SPIC: variants seen among roughly 807,000 people sequenced by gnomAD.
SPIC encodes transcription factor Spi-C.
Under a neutral mutation model 16.7 loss-of-function variants are expected in SPIC, and 9 were observed. The observed-to-expected ratio is 0.54, with a 90% confidence interval of 0.33 to 0.94. SPIC has a LOEUF of 0.94. SPIC is among the 40% of genes least tolerant of loss of function. SPIC has a pLI of 0.03. For missense variants in SPIC, 241 were observed against 285.8 expected (o/e 0.84, Z 1.13); for synonymous variants, 97 against 102.9 (o/e 0.94, Z 0.35).
In SPIC at chr12:101,476,880, A is replaced by G. The variant is rs748503215; in HGVS notation, c.-25A>G. 2.1e-6 allele frequency: 3 copies of G among 1,406,622 alleles called. No homozygotes were observed. Among genetic ancestry groups the G allele is most frequent in the South Asian group, 1.7e-5 (1 of 58,354 alleles). 87.1% of individuals were successfully genotyped at this position (1,406,622 alleles called of 1,614,324 possible). A position where few individuals can be genotyped will look rare whatever the true frequency, so the allele number is the denominator to read the frequency against. On this transcript the variant is annotated 5_prime_UTR_variant, in exon 2 of 6. Transcript: ENST00000551346. ...CTTCAAGCAACAATTGCTAAGGAAC[A>G]GAATTGTCAATTTATTAATGAAATA...
intron 5 of SPIC, among the ~76,000 whole-genome samples, chr12:101,483,487 T>G (rs1301708067): frequency 3.3e-5 from 5 of 152,172 alleles, no homozygotes; most frequent in Non-Finnish European, 7.3e-5. Flanking sequence ...TATTTTATTA[T>G]TTATTGATTG....
Position 101,477,560 on chromosome 12 carries a change from G to C in SPIC, c.6G>C (p.Thr2=). The part of the protein sequence containing the change: M[T]CVEQDKLGQA... Reference sequence around the variant, plus strand: ...GAATTCTATCATTGTTCCAACAGACGTGTGTTGAACAAGACAAGCTGGGTC... The same window carrying C: ...GAATTCTATCATTGTTCCAACAGACCTGTGTTGAACAAGACAAGCTGGGTC... The change falls in exon 3 of 6, where the codon ACG becomes ACC. Residue 2 remains threonine, a splice_region_variant and synonymous_variant. Coordinates refer to ENST00000551346, the MANE Select transcript of SPIC (RefSeq NM_152323.3). The C allele has an allele frequency of 6.2e-7, 1 of 1,613,730 alleles. No individual in the cohort carries two copies. The highest frequency in any genetic ancestry group is 8.5e-7 in the Non-Finnish European group (1 of 1,179,692).
intron 3 of SPIC, among the ~76,000 whole-genome samples, chr12:101,479,298 A>AAG (rs1491065351): frequency 1.3e-4 from 6 of 46,096 alleles, no homozygotes; most frequent in South Asian, 1.6e-3. Flanking sequence ...GAAAGAAAGA[A>AAG]AGAAAGAAAA....
intron 3 of SPIC, 48 bp downstream of exon 3, chr12:101,477,699 G>A (rs201331322): frequency 2.0e-6 from 3 of 1,474,264 alleles, no homozygotes; most frequent in Non-Finnish European, 1.9e-6. Flanking sequence ...CAAATGGCTT[G>A]TTGGTCACAT....
At chr12:101,481,080 TC>T (rs1328466541) in intron 4 of SPIC, among the ~76,000 whole-genome samples, 3 of 152,196 alleles carry the variant, frequency 2.0e-5, no homozygotes, top group Non-Finnish European at 4.4e-5. Flanking sequence ...CCCAGCCCCT[TC>T]CGGTGTTTAA....
At position 101,486,363 on chromosome 12, in the gene SPIC, G is replaced by C; in HGVS notation, c.339G>C (p.Leu113=). ...TTTTAGGCAGGAAGAAGCTCCGACTGTTTGAATACCTTCACGAATCCCTGT... is the reference window on the plus strand; with the variant it reads ...TTTTAGGCAGGAAGAAGCTCCGACTCTTTGAATACCTTCACGAATCCCTGT... The part of the protein sequence containing the change: ...KGGKGRKKLR[L]FEYLHESLYN... Residue 113 remains leucine, a synonymous_variant, in exon 6 of 6, where the codon CTG becomes CTC. Transcript: ENST00000551346. 1 of 1,611,490 alleles carries C rather than the reference G, an allele frequency of 6.2e-7. No homozygotes were observed. Among genetic ancestry groups the C allele is most frequent in the Non-Finnish European group, 8.5e-7 (1 of 1,178,806 alleles).
At chr12:101,476,198 C>T (rs1872952498) in intron 1 of SPIC, among the ~76,000 whole-genome samples, 2 of 152,030 alleles carry the variant, frequency 1.3e-5, no homozygotes, top group South Asian at 2.1e-4. Flanking sequence ...GTCTATAGAA[C>T]GTAGAGTTAA....
chr12:101,478,333 C>A (rs1414708636), intron 3 of SPIC, among the ~76,000 whole-genome samples: 1 of 151,948 alleles, frequency 6.6e-6, no homozygotes, highest in Non-Finnish European at 1.5e-5. Flanking sequence ...GCCCGGTGAC[C>A]TTTTTTATCT....
At chr12:101,482,685 A>C in intron 4 of SPIC, 107 bp from the exon 5 acceptor site, 2 of 1,048,350 alleles carry the variant, frequency 1.9e-6, no homozygotes. Context: ...TTCCTTTTGC[A>C]ATCTGGGAGA....
In SPIC at chr12:101,485,904, C is replaced by G. The variant is rs563909007; in HGVS notation, c.320-440C>G. On this transcript the variant is annotated intron_variant, in intron 5 of 5. Transcript: ENST00000551346. ...GATTCTCCTGGGTTCGAGGGAGAAT[C>G]CTCAGGGGACTGCCTCAGCCTCCCG... Among the ~76,000 whole-genome samples the G allele has an allele frequency of 2.6e-5, 4 of 152,310 alleles. No homozygotes were observed. In the East Asian group the frequency reaches 7.7e-4, roughly 29 times the overall value.
chr12:101,483,632 T>C (rs1259170644), intron 5 of SPIC, among the ~76,000 whole-genome samples: 1 of 152,100 alleles, frequency 6.6e-6, no homozygotes, highest in Non-Finnish European at 1.5e-5. Flanking sequence ...TTTTTTTAAT[T>C]GTTGCCCAGG....
chr12:101,476,974 A>G, intron 2 of SPIC, 67 bp downstream of exon 2: 1 of 1,085,746 alleles, frequency 9.2e-7, no homozygotes, highest in Non-Finnish European at 1.3e-6. Context: ...AATAATTAAA[A>G]AACTTTTTTC....
chr12:101,482,049 C>G (rs1055552323), intron 4 of SPIC, among the ~76,000 whole-genome samples: 2 of 146,006 alleles, frequency 1.4e-5, no homozygotes, highest in Non-Finnish European at 3.0e-5. Context: ...TCAAGACCAG[C>G]CTGGCCAACA....
chr12:101,478,870 C>T (rs1873045766), intron 3 of SPIC, among the ~76,000 whole-genome samples: 1 of 152,188 alleles, frequency 6.6e-6, no homozygotes, highest in Non-Finnish European at 1.5e-5. Context: ...GGCATGGTGG[C>T]TCACACCTGT....
chr12:101,486,369 A>G lies in SPIC; in HGVS notation c.345A>G (p.Glu115=), dbSNP rs761054346. The change falls in exon 6 of 6, where the codon GAA becomes GAG. Residue 115 remains glutamate, a synonymous_variant. Transcript: ENST00000551346. ...GKGRKKLRLF[E]YLHESLYNPE... ...GCAGGAAGAAGCTCCGACTGTTTGAATACCTTCACGAATCCCTGTATAATC... is the reference window on the plus strand; with the variant it reads ...GCAGGAAGAAGCTCCGACTGTTTGAGTACCTTCACGAATCCCTGTATAATC... The G allele has an allele frequency of 7.4e-6, 12 of 1,611,838 alleles. No homozygotes were observed. The highest frequency in any genetic ancestry group is 1.0e-5 in the Non-Finnish European group (12 of 1,178,982).
At chr12:101,484,547 A>G (rs1463333808) in intron 5 of SPIC, among the ~76,000 whole-genome samples, 1 of 147,396 alleles carries the variant, frequency 6.8e-6, no homozygotes, top group African/African-American at 2.5e-5. Context: ...AAAAATAATA[A>G]TAATAAATAA....
intron 4 of SPIC, 87 bp downstream of exon 4, chr12:101,479,781 T>A (rs2121251340): frequency 1.0e-6 from 1 of 968,284 alleles, no homozygotes; most frequent in Non-Finnish European, 1.5e-6. Flanking sequence ...AAACCCAGCT[T>A]AAAGACAGCA....
intron 2 of SPIC, among the ~76,000 whole-genome samples, chr12:101,477,309 A>G (rs1872987282): frequency 6.6e-6 from 1 of 152,136 alleles, no homozygotes; most frequent in African/African-American, 2.4e-5. Context: ...ACATTTGGTG[A>G]TGTCGGAAAC....
rs185830586 is a variant in SPIC, at chr12:101,486,644, T to A, written c.620T>A (p.Leu207Gln). The part of the protein sequence containing the change: ...ILQRLSPSYF[L>Q]GKEIFYSQCV... ...CAAAGACTCTCTCCATCCTATTTCC[T>A]GGGGAAAGAGATCTTCTATTCACAG... Residue 207 changes from leucine (L) to glutamine (Q), a missense_variant, in exon 6 of 6, where the codon CTG becomes CAG. Transcript: ENST00000551346. 28 of 1,613,972 alleles carry A rather than the reference T, an allele frequency of 1.7e-5. No homozygotes were observed. The East Asian group carries it at 5.6e-4, about 32-fold the overall frequency.
Sources: gnomAD v4.1 joint callset for allele counts (sites outside exome capture counted in the v4.1 genomes callset) on GRCh38, gnomAD v4.1.1 for gene constraint, MANE v1.5 for transcripts, NCBI Gene and HGNC (gene_info 2026-07-23, HGNC 2026-07-21) for gene names.